Variants in LINGO1 observed in about 807,000 individuals in gnomAD.
LINGO1 encodes leucine rich repeat and Ig domain containing 1.
Under a neutral mutation model 37.3 loss-of-function variants are expected in LINGO1, and 11 were observed. The observed-to-expected ratio is 0.29, with a 90% CI of 0.19 to 0.49. LINGO1 has a LOEUF of 0.49. LINGO1 is among the 20% of genes least tolerant of loss of function. The pLI is 0.99. For missense variants in LINGO1, 585 were observed against 878.2 expected (o/e 0.67, Z 4.22); for synonymous variants, 387 against 403.0 (o/e 0.96, Z 0.48).
intron 1 of LINGO1, among the ~76,000 whole-genome samples, chr15:77,750,077 C>A (rs1478271216): frequency 6.6e-6 from 1 of 152,136 alleles, no homozygotes; most frequent in African/African-American, 2.4e-5. Context: ...CCCCCTCACC[C>A]ACCCCTGGGG....
At chr15:77,763,446 C>T (rs1005599407) in intron 1 of LINGO1, among the ~76,000 whole-genome samples, 1 of 152,040 alleles carries the variant, frequency 6.6e-6, no homozygotes, top group Non-Finnish European at 1.5e-5. Context: ...GTCAGTTTCT[C>T]AAAAAGGACC....
At chr15:77,657,892 T>C (rs2074900422) in intron 3 of LINGO1, among the ~76,000 whole-genome samples, 1 of 152,206 alleles carries the variant, frequency 6.6e-6, no homozygotes, top group Non-Finnish European at 1.5e-5. Context: ...TCCTTTACTG[T>C]TCTGATGCAC....
intron 1 of LINGO1, among the ~76,000 whole-genome samples, chr15:77,616,463 C>G (rs115578523): frequency 3.0e-3 from 462 of 152,276 alleles, no homozygotes; most frequent in African/African-American, 0.011. Flanking sequence ...GAGTCTCCCC[C>G]GGTGCAGACG....
chr15:77,712,546 T>C (rs2075931172), intron 2 of LINGO1, among the ~76,000 whole-genome samples: 1 of 152,022 alleles, frequency 6.6e-6, no homozygotes, highest in Non-Finnish European at 1.5e-5. Context: ...TGAGCTTGAA[T>C]CCCAAACCTG....
At chr15:77,814,266 G>A (rs1567598327) in intron 1 of LINGO1, among the ~76,000 whole-genome samples, 2 of 152,138 alleles carry the variant, frequency 1.3e-5, no homozygotes, top group East Asian at 3.9e-4. Flanking sequence ...ACTGGACCAG[G>A]AGTCCAGAGA....
chr15:77,666,396 C>T (rs541110765), intron 3 of LINGO1, among the ~76,000 whole-genome samples: 18 of 152,202 alleles, frequency 1.2e-4, no homozygotes, highest in South Asian at 2.1e-4. Flanking sequence ...ATGGGGCCTG[C>T]GTAATATGGG....
intron 1 of LINGO1, among the ~76,000 whole-genome samples, chr15:77,627,248 G>A (rs1394935630): frequency 2.0e-5 from 3 of 152,038 alleles, no homozygotes; most frequent in Non-Finnish European, 2.9e-5. Context: ...CGCCAGCCCC[G>A]GTGCTCGTCT....
At chr15:77,664,168 T>TGCGCGC (rs1459404193) in intron 3 of LINGO1, among the ~76,000 whole-genome samples, 17 of 120,326 alleles carry the variant, frequency 1.4e-4, no homozygotes, top group African/African-American at 7.0e-4. Flanking sequence ...TGTGTGTGTG[T>TGCGCGC]GTGCGCGCGC....
At chr15:77,810,495 G>A (rs963043390) in intron 1 of LINGO1, among the ~76,000 whole-genome samples, 2 of 152,158 alleles carry the variant, frequency 1.3e-5, no homozygotes, top group African/African-American at 4.8e-5. Context: ...GTACCCAGGG[G>A]AGCACTAGTG....
chr15:77,701,463 C>G (rs767110598), upstream of LINGO1, among the ~76,000 whole-genome samples: 8 of 152,112 alleles, frequency 5.3e-5, no homozygotes, highest in Non-Finnish European at 1.0e-4. Flanking sequence ...CCCGGAGGCC[C>G]CAAGTTGATC....
chr15:77,711,565 G>C (rs1456229531), intron 2 of LINGO1, among the ~76,000 whole-genome samples: 1 of 152,230 alleles, frequency 6.6e-6, no homozygotes, highest in Admixed American at 6.5e-5. Context: ...CTGAGGCTTG[G>C]ACAAGTCAAT....
chr15:77,736,088 G>C (rs2076201330), intron 1 of LINGO1, among the ~76,000 whole-genome samples: 1 of 152,168 alleles, frequency 6.6e-6, no homozygotes, highest in Non-Finnish European at 1.5e-5. Context: ...GTAGTCTGTA[G>C]AGTAAACACT....
intron 3 of LINGO1, among the ~76,000 whole-genome samples, chr15:77,664,749 G>A (rs2141183742): frequency 6.6e-6 from 1 of 152,322 alleles, no homozygotes; most frequent in Admixed American, 6.5e-5. Flanking sequence ...CAGGGGGAGG[G>A]CCTTGAGATG....
intron 1 of LINGO1, among the ~76,000 whole-genome samples, chr15:77,620,288 G>A (rs2073877143): frequency 6.6e-6 from 1 of 152,234 alleles, no homozygotes; most frequent in South Asian, 2.1e-4. Flanking sequence ...ACAGGCAGGT[G>A]GGCAGGCAGC....
intron 3 of LINGO1, among the ~76,000 whole-genome samples, chr15:77,652,530 G>GTGTGTGTGTGTGTGTGTT (rs1461851046): frequency 3.1e-4 from 45 of 144,866 alleles, no homozygotes; most frequent in African/African-American, 1.1e-3. Flanking sequence ...GTGTGTGTGT[G>GTGTGTGTGTGTGTGTGTT]TTGCCAGAAT....
At chr15:77,769,382 TC>T (rs908181049) in intron 1 of LINGO1, among the ~76,000 whole-genome samples, 4 of 150,680 alleles carry the variant, frequency 2.7e-5, no homozygotes, top group Admixed American at 2.6e-4. Context: ...CCTGCCAAGG[TC>T]CCCCCCCAGC....
intron 3 of LINGO1, among the ~76,000 whole-genome samples, chr15:77,644,090 G>A (rs2141117483): frequency 6.6e-6 from 1 of 152,382 alleles, no homozygotes; most frequent in South Asian, 2.1e-4. Flanking sequence ...ATCTAGCTGG[G>A]GCAGCGGCAT....
At chr15:77,696,552 C>A (rs928023677), upstream of LINGO1, 6 of 152,526 alleles carry the variant, frequency 3.9e-5, no homozygotes, top group Non-Finnish European at 2.9e-5. Flanking sequence ...TGGAGCCCAG[C>A]ACAGAGTGGA....
intron 1 of LINGO1, among the ~76,000 whole-genome samples, chr15:77,806,265 C>T (rs1226691345): frequency 6.6e-6 from 1 of 151,886 alleles, no homozygotes; most frequent in Non-Finnish European, 1.5e-5. Context: ...GCAGAGGCGG[C>T]CCTCCGAGAA....
Sources: gnomAD v4.1 joint callset for allele counts (sites outside exome capture counted in the v4.1 genomes callset) on GRCh38, gnomAD v4.1.1 for gene constraint, MANE v1.5 for transcripts, NCBI Gene and HGNC (gene_info 2026-07-23, HGNC 2026-07-21) for gene names.